Variants in PTPRD observed in about 807,000 individuals in gnomAD.
The protein encoded by PTPRD is protein tyrosine phosphatase receptor type D.
Under a neutral mutation model 214.5 loss-of-function variants are expected in PTPRD, and 34 were observed. That is an observed-to-expected ratio of 0.16 (90% CI 0.12 to 0.21). The LOEUF is 0.21. PTPRD is among the 10% of genes least tolerant of loss of function. The pLI, the probability that PTPRD is intolerant of heterozygous loss-of-function variation, is 1.00. For synonymous variants in PTPRD, 1,128 were observed against 845.7 expected (o/e 1.33, Z -5.79); for missense variants, 2,545 against 2,398.7 (o/e 1.06, Z -1.27).
chr9:8,329,061 T>G (rs1352501125), intron 44 of PTPRD, among the ~76,000 whole-genome samples: 1 of 152,136 alleles, frequency 6.6e-6, no homozygotes, highest in Non-Finnish European at 1.5e-5. Context: ...CTGTCCTGTT[T>G]TGTTCCCTTG....
Position 9,132,224 on chromosome 9 carries a change from T to C in PTPRD, c.-143+51080A>G, listed in dbSNP as rs190473157. On this transcript the variant is annotated intron_variant, in intron 10 of 45. Transcript: ENST00000381196. ...GGGGGTTTCACCGTGTTAGCCAGGA[T>C]AGTCTCGATCTCCTGACCTTGTGAT... Among the ~76,000 whole-genome samples, 637 of 152,256 alleles carry C rather than the reference T, an allele frequency of 4.2e-3. 1 individual carries two copies. The highest frequency in any genetic ancestry group is 0.014 in the Middle Eastern group (4 of 294).
At chr9:8,372,053 G>C (rs7871181) in intron 39 of PTPRD, among the ~76,000 whole-genome samples, 1 of 151,928 alleles carries the variant, frequency 6.6e-6, no homozygotes, top group Admixed American at 6.6e-5. Flanking sequence ...AGGTTTCTCA[G>C]GTCTTTATAC....
intron 11 of PTPRD, among the ~76,000 whole-genome samples, chr9:8,945,506 C>T (rs113022138): frequency 6.6e-6 from 1 of 151,918 alleles, no homozygotes; most frequent in Non-Finnish European, 1.5e-5. Context: ...TCATCTTGCT[C>T]GCTAGAATCC....
intron 9 of PTPRD, among the ~76,000 whole-genome samples, chr9:9,296,348 C>T (rs1488190826): frequency 6.6e-6 from 1 of 151,604 alleles, no homozygotes; most frequent in Non-Finnish European, 1.5e-5. Context: ...AGCAGTCTTG[C>T]CTGGGTAATT....
intron 10 of PTPRD, among the ~76,000 whole-genome samples, chr9:9,182,912 G>A (rs1392487606): frequency 1.3e-5 from 2 of 151,550 alleles, no homozygotes; most frequent in Non-Finnish European, 2.9e-5. Flanking sequence ...GTATGTAGGC[G>A]AGACCACCAC....
intron 2 of PTPRD, among the ~76,000 whole-genome samples, chr9:10,377,831 T>C (rs1479552712): frequency 6.6e-6 from 1 of 152,062 alleles, no homozygotes; most frequent in African/African-American, 2.4e-5. Flanking sequence ...TTAGGTTGTT[T>C]TCAATTTTGG....
chr9:9,044,245 ACACT>A (rs1434644016), intron 10 of PTPRD, among the ~76,000 whole-genome samples: 1 of 152,238 alleles, frequency 6.6e-6, no homozygotes, highest in African/African-American at 2.4e-5. Context: ...TCATCTGAAA[ACACT>A]CAACATGTCA....
intron 26 of PTPRD, among the ~76,000 whole-genome samples, chr9:8,494,743 A>G (rs1325523427): frequency 6.6e-6 from 1 of 152,192 alleles, no homozygotes; most frequent in Non-Finnish European, 1.5e-5. Flanking sequence ...ACATAACGCA[A>G]TTTGAAATGC....
chr9:10,146,270 T>C (rs909074709), intron 3 of PTPRD, among the ~76,000 whole-genome samples: 1 of 151,850 alleles, frequency 6.6e-6, no homozygotes, highest in Admixed American at 6.6e-5. Context: ...TATACATACA[T>C]ACATAAATTT....
chr9:9,534,526 A>C (rs889469001), intron 8 of PTPRD, among the ~76,000 whole-genome samples: 9 of 152,022 alleles, frequency 5.9e-5, no homozygotes, highest in Non-Finnish European at 1.2e-4. Flanking sequence ...ATAATACATA[A>C]ATTTTTTAAA....
intron 5 of PTPRD, among the ~76,000 whole-genome samples, chr9:9,794,058 G>C (rs915862190): frequency 1.3e-5 from 2 of 151,878 alleles, no homozygotes; most frequent in South Asian, 2.1e-4. Flanking sequence ...TAAAAAATAC[G>C]TGTTTGGCAC....
At chr9:8,502,964 A>C (rs1011243947) in intron 23 of PTPRD, among the ~76,000 whole-genome samples, 3 of 151,904 alleles carry the variant, frequency 2.0e-5, no homozygotes, top group Admixed American at 6.6e-5. Context: ...GGTTTTTAGA[A>C]ATTATCTTCT....
Position 10,379,950 on chromosome 9 carries a change from T to C in PTPRD, c.-599-38933A>G, listed in dbSNP as rs185962692. Among the ~76,000 whole-genome samples the C allele has an allele frequency of 1.1e-3, 173 of 152,142 alleles. 1 individual carries two copies. The highest frequency in any genetic ancestry group is 4.0e-3 in the African/African-American group (165 of 41,538). On this transcript the variant is annotated intron_variant, in intron 2 of 45. Coordinates refer to ENST00000381196, the MANE Select transcript of PTPRD (RefSeq NM_002839.4). ...ATCTAAGACTATTCATTGTTGTTTA[T>C]ATTTTCTTTTTTATCTTTAGAGATG... is the stretch of plus-strand genomic sequence containing the variant.
At chr9:9,200,692 G>C (rs1453979638) in intron 9 of PTPRD, among the ~76,000 whole-genome samples, 1 of 152,198 alleles carries the variant, frequency 6.6e-6, no homozygotes. Flanking sequence ...GGTTGGCAGA[G>C]ATCTGCTAAA....
intron 14 of PTPRD, among the ~76,000 whole-genome samples, chr9:8,599,178 T>C (rs2094656913): frequency 6.6e-6 from 1 of 152,132 alleles, no homozygotes; most frequent in Non-Finnish European, 1.5e-5. Context: ...ATGTAAAACA[T>C]GACTTTACTT....
intron 7 of PTPRD, among the ~76,000 whole-genome samples, chr9:9,677,787 T>C (rs549540251): frequency 1.4e-4 from 22 of 152,206 alleles, no homozygotes; most frequent in South Asian, 8.3e-4. Flanking sequence ...TCGTCCCTGT[T>C]TGCAGATGAC....
At chr9:10,131,383 G>C (rs772105746) in intron 3 of PTPRD, among the ~76,000 whole-genome samples, 1 of 152,130 alleles carries the variant, frequency 6.6e-6, no homozygotes, top group Non-Finnish European at 1.5e-5. Flanking sequence ...CAAAGTAAGA[G>C]AGTATTCAAC....
rs372991435 is a variant in PTPRD at position 8,344,559 on chromosome 9, AT to A, written c.4662-2582del. Reference sequence around the variant, plus strand: ...AGAGGCTATGACTTGAACAAAACCTATTTTTTCCCCCACAATTCAAAATATT... The same window carrying A: ...AGAGGCTATGACTTGAACAAAACCTATTTTTCCCCCACAATTCAAAATATT... On this transcript the variant is annotated intron_variant, in intron 39 of 45. Coordinates refer to ENST00000381196, the MANE Select transcript of PTPRD (RefSeq NM_002839.4). Among the ~76,000 whole-genome samples the A allele has an allele frequency of 2.3e-3, 354 of 151,984 alleles. 4 individuals carry two copies. In the East Asian group the frequency reaches 0.023, roughly 10 times the overall value.
chr9:9,075,190 T>C (rs187333709), intron 10 of PTPRD, among the ~76,000 whole-genome samples: 202 of 152,216 alleles, frequency 1.3e-3, no homozygotes, highest in African/African-American at 4.4e-3. Context: ...TGTATATATT[T>C]TTAGGGTACA....
Sources: allele counts gnomAD v4.1 joint callset (sites outside exome capture counted in the v4.1 genomes callset), GRCh38; gene constraint gnomAD v4.1.1; transcripts MANE v1.5; gene names NCBI Gene and HGNC (gene_info 2026-07-23, HGNC 2026-07-21).